THADA: variants seen among roughly 807,000 people sequenced by gnomAD.
The protein encoded by THADA is tRNA (32-2'-O)-methyltransferase regulator THADA.
Under a neutral mutation model 219.8 loss-of-function variants are expected in THADA, and 213 were observed. The ratio of observed to expected loss-of-function variants is 0.97; its 90% CI spans 0.87 to 1.09. The LOEUF (loss-of-function observed/expected upper bound fraction) is 1.09. Among genes scored for constraint, THADA ranks in the 50% least tolerant of loss-of-function variants. The pLI is 0.00. For synonymous variants in THADA, 1,018 were observed against 828.9 expected, an observed-to-expected ratio of 1.23 and a Z score of -3.92; for missense variants, 2,956 against 2,311.3, an observed-to-expected ratio of 1.28 and a Z score of -5.72.
At position 43,291,699 on chromosome 2, in the gene THADA, C is replaced by A; in HGVS notation, c.5007G>T (p.Val1669=). ...KVISHHMQTC[V]ENRELIAAEL... ...ACAAGATCAGAACCAGCCTTACCTCCACACATGTCTGCATGTGGTGGGAAA... is the reference window on the plus strand; with the variant it reads ...ACAAGATCAGAACCAGCCTTACCTCAACACATGTCTGCATGTGGTGGGAAA... The change falls in exon 34 of 38, where the codon GTG becomes GTT. Residue 1669 remains valine, a synonymous_variant. Coordinates refer to ENST00000405975, the MANE Select transcript of THADA (RefSeq NM_022065.5). 1 of 1,552,532 alleles carries A rather than the reference C, an allele frequency of 6.4e-7. No individual in the cohort carries two copies. The highest frequency in any genetic ancestry group is 2.0e-5 in the Admixed American group (1 of 50,804).
At chr2:43,556,585 C>A (rs757754871) in intron 16 of THADA, 30 bp from the exon 17 acceptor site, 53 of 1,581,848 alleles carry the variant, frequency 3.4e-5, no homozygotes, top group Middle Eastern at 3.4e-4. Context: ...CAGTAACTGT[C>A]AAATTAAAGA....
chr2:43,257,401 A>G (rs1419343343), intron 36 of THADA, among the ~76,000 whole-genome samples: 2 of 152,248 alleles, frequency 1.3e-5, no homozygotes, highest in Admixed American at 1.3e-4. Context: ...GCAATCAATC[A>G]TAAAGAGGAG....
At chr2:43,526,554 A>G (rs972381321) in intron 22 of THADA, among the ~76,000 whole-genome samples, 1 of 152,038 alleles carries the variant, frequency 6.6e-6, no homozygotes, top group Admixed American at 6.6e-5. Context: ...TCTCTCTGCT[A>G]TTCCTATATG....
chr2:43,254,032 C>G (rs980926982), intron 36 of THADA, among the ~76,000 whole-genome samples: 3 of 151,990 alleles, frequency 2.0e-5, no homozygotes, highest in Non-Finnish European at 2.9e-5. Flanking sequence ...CTAACCCTAC[C>G]CTCAACTCCA....
At chr2:43,390,531 A>C (rs1673239162) in intron 29 of THADA, among the ~76,000 whole-genome samples, 1 of 152,180 alleles carries the variant, frequency 6.6e-6, no homozygotes, top group Non-Finnish European at 1.5e-5. Context: ...CTGACATGCC[A>C]ACTGCCCTCC....
At chr2:43,266,187 G>C (rs1361120657) in intron 36 of THADA, among the ~76,000 whole-genome samples, 1 of 152,108 alleles carries the variant, frequency 6.6e-6, no homozygotes, top group Non-Finnish European at 1.5e-5. Flanking sequence ...CTGAGCAGGG[G>C]ACTGACTGAA....
intron 24 of THADA, among the ~76,000 whole-genome samples, chr2:43,499,654 G>A (rs376859490): frequency 1.3e-5 from 2 of 152,132 alleles, no homozygotes; most frequent in East Asian, 1.9e-4. Flanking sequence ...TGGCATTATA[G>A]GTGTGAGCCA....
chr2:43,256,833 C>T (rs141863325), intron 36 of THADA, among the ~76,000 whole-genome samples: 1 of 152,290 alleles, frequency 6.6e-6, no homozygotes, highest in East Asian at 1.9e-4. Flanking sequence ...TCTACCTCAG[C>T]CTCCCAAAAT....
chr2:43,251,957 T>C (rs1390678461), intron 36 of THADA, among the ~76,000 whole-genome samples: 1 of 152,248 alleles, frequency 6.6e-6, no homozygotes, highest in African/African-American at 2.4e-5. Context: ...ACCATTCTCC[T>C]GATTTTCCAT....
intron 29 of THADA, among the ~76,000 whole-genome samples, chr2:43,383,279 T>C (rs1227450219): frequency 6.6e-6 from 1 of 152,236 alleles, no homozygotes; most frequent in Non-Finnish European, 1.5e-5. Context: ...ATATGCTTAG[T>C]AATAGGTGTT....
intron 30 of THADA, among the ~76,000 whole-genome samples, chr2:43,340,954 T>C (rs747091081): frequency 6.6e-6 from 1 of 152,188 alleles, no homozygotes; most frequent in African/African-American, 2.4e-5. Context: ...CGAGGCTTCA[T>C]CACTTATACC....
At chr2:43,285,788 T>C (rs1673928569) in intron 35 of THADA, among the ~76,000 whole-genome samples, 2 of 152,118 alleles carry the variant, frequency 1.3e-5, no homozygotes, top group African/African-American at 4.8e-5. Flanking sequence ...CGACCTTAGG[T>C]GATCCACCCG....
At chr2:43,529,488 C>G (rs1693597774) in intron 21 of THADA, among the ~76,000 whole-genome samples, 1 of 152,180 alleles carries the variant, frequency 6.6e-6, no homozygotes, top group Non-Finnish European at 1.5e-5. Flanking sequence ...CTGTTAACTA[C>G]AGGCATGAAC....
rs1294312693 is a variant in THADA at position 43,292,245 on chromosome 2, C to CA, written c.4819-24dup. 4.8e-6 allele frequency: 7 copies of CA among 1,445,122 alleles called. No homozygotes were observed. In the Admixed American group the frequency reaches 9.0e-5, roughly 19 times the overall value. The allele number at this position is 1,445,122 out of a possible 1,614,324, so 89.5% of individuals were successfully genotyped here. On this transcript the variant is annotated intron_variant, in intron 32 of 37. Coordinates refer to ENST00000405975, the MANE Select transcript of THADA (RefSeq NM_022065.5). ...TATCTGTGTAAGCCAAATCCGCACA[C>CA]AAAAAAGAGAAATAAATACTCAGGG...
At chr2:43,286,553 C>T (rs1214254452) in intron 35 of THADA, among the ~76,000 whole-genome samples, 2 of 151,958 alleles carry the variant, frequency 1.3e-5, no homozygotes, top group African/African-American at 4.8e-5. Flanking sequence ...CCAGCCTGGC[C>T]AATATGGTGA....
chr2:43,274,997 TC>T (rs200461608), intron 36 of THADA, among the ~76,000 whole-genome samples: 43,362 of 123,416 alleles, frequency 0.35, 8,513 homozygotes, highest in Middle Eastern at 0.51. Context: ...TCTTTTCTTT[TC>T]TTTTTTTTTT....
intron 26 of THADA, among the ~76,000 whole-genome samples, chr2:43,481,245 T>C (rs1447380360): frequency 6.6e-6 from 1 of 152,226 alleles, no homozygotes; most frequent in African/African-American, 2.4e-5. Context: ...CTATCACTTA[T>C]ACCCTGGAAA....
intron 31 of THADA, among the ~76,000 whole-genome samples, chr2:43,308,120 C>T (rs1405887217): frequency 1.3e-5 from 2 of 151,938 alleles, no homozygotes; most frequent in Non-Finnish European, 2.9e-5. Context: ...CTTTGGGAGG[C>T]CAAGGGAGGA....
intron 25 of THADA, among the ~76,000 whole-genome samples, chr2:43,491,546 G>A (rs1296197344): frequency 6.6e-6 from 1 of 152,100 alleles, no homozygotes; most frequent in Non-Finnish European, 1.5e-5. Flanking sequence ...TATTTTTACT[G>A]TACTTTTTCT....
Sources: allele counts gnomAD v4.1 joint callset (sites outside exome capture counted in the v4.1 genomes callset), GRCh38; gene constraint gnomAD v4.1.1; transcripts MANE v1.5; gene names NCBI Gene and HGNC (gene_info 2026-07-23, HGNC 2026-07-21).